Variants in RALGAPA1 observed in about 807,000 individuals in gnomAD.
RALGAPA1 encodes Ral GTPase activating protein catalytic subunit alpha 1.
RALGAPA1 carries 52 observed loss-of-function variants against 269.6 expected under a neutral mutation model. That is an observed-to-expected ratio of 0.19 (90% CI 0.15 to 0.24). RALGAPA1 has a LOEUF of 0.24. Ranked by LOEUF, RALGAPA1 falls within the 10% of genes least tolerant of loss-of-function variation. RALGAPA1 has a pLI of 1.00. For synonymous variants in RALGAPA1, 817 were observed against 1,008.3 expected (o/e 0.81, Z 3.60); for missense variants, 1,917 against 3,013.9 (o/e 0.64, Z 8.52).
chr14:35,763,891 C>G (rs1419862289), intron 4 of RALGAPA1, among the ~76,000 whole-genome samples: 1 of 151,876 alleles, frequency 6.6e-6, no homozygotes, highest in East Asian at 1.9e-4. Flanking sequence ...TACTACCAGC[C>G]GTATATGGGA....
At chr14:35,580,511 G>C (rs556228194) in intron 37 of RALGAPA1, among the ~76,000 whole-genome samples, 1 of 152,194 alleles carries the variant, frequency 6.6e-6, no homozygotes, top group African/African-American at 2.4e-5. Context: ...ATTTCTAAGA[G>C]AAACTTAGCT....
intron 39 of RALGAPA1, among the ~76,000 whole-genome samples, chr14:35,557,030 T>G (rs1288093025): frequency 1.3e-5 from 2 of 152,008 alleles, no homozygotes; most frequent in Non-Finnish European, 2.9e-5. Flanking sequence ...CTGAAAATCC[T>G]TCCTGATTTA....
chr14:35,735,173 A>G (rs1472790577), intron 12 of RALGAPA1, among the ~76,000 whole-genome samples: 2 of 152,220 alleles, frequency 1.3e-5, no homozygotes, highest in African/African-American at 4.8e-5. Context: ...AAGAACTAAA[A>G]GTAGAACTGT....
intron 35 of RALGAPA1, among the ~76,000 whole-genome samples, chr14:35,612,804 C>T (rs73247102): frequency 0.018 from 2,687 of 152,050 alleles, 81 homozygotes; most frequent in African/African-American, 0.061. Context: ...TCCTAAAGTG[C>T]GGGGATTACA....
At chr14:35,557,305 A>G (rs2055717961) in intron 39 of RALGAPA1, among the ~76,000 whole-genome samples, 3 of 151,916 alleles carry the variant, frequency 2.0e-5, no homozygotes, top group Admixed American at 2.0e-4. Context: ...AAAAAGAAAA[A>G]AAAAAAAAAC....
At chr14:35,696,603 G>A (rs1437160448) in intron 17 of RALGAPA1, among the ~76,000 whole-genome samples, 2 of 121,022 alleles carry the variant, frequency 1.7e-5, no homozygotes, top group East Asian at 3.0e-4. Flanking sequence ...ATTTTGGTAC[G>A]TTAAAAAAAA....
intron 33 of RALGAPA1, among the ~76,000 whole-genome samples, chr14:35,632,453 G>A (rs2061415418): frequency 6.6e-6 from 1 of 152,092 alleles, no homozygotes; most frequent in South Asian, 2.1e-4. Context: ...GATTATTATG[G>A]CGTACAAAAG....
chr14:35,706,507 T>C (rs1595232944), intron 16 of RALGAPA1: 1 of 152,206 alleles, frequency 6.6e-6, no homozygotes, highest in Non-Finnish European at 1.5e-5. Flanking sequence ...ACCCATACCA[T>C]ACTTTCTTGA....
At chr14:35,592,644 A>T (rs1247193830) in intron 37 of RALGAPA1, among the ~76,000 whole-genome samples, 1 of 152,158 alleles carries the variant, frequency 6.6e-6, no homozygotes, top group African/African-American at 2.4e-5. Context: ...TATCAAAAAG[A>T]TTATACACCC....
intron 15 of RALGAPA1, 77 bp downstream of exon 15, chr14:35,722,950 C>T (rs2069560042): frequency 1.4e-6 from 1 of 723,012 alleles, no homozygotes; most frequent in Admixed American, 2.4e-5. Context: ...CACCCTCACC[C>T]CTCTCCCTGG....
At position 35,775,925 on chromosome 14, in the gene RALGAPA1, G is replaced by T. The variant is rs115791556; in HGVS notation, c.107-180C>A. ...CGTTCTTAAAACTTTAGTCTTTGCC[G>T]ATTTTAGTTTTAATTTTAAAAACTG... On this transcript the variant is annotated intron_variant, in intron 1 of 41. Coordinates refer to ENST00000680220, the MANE Select transcript of RALGAPA1 (RefSeq NM_001346249.2). Among the ~76,000 whole-genome samples the T allele has an allele frequency of 1.1e-3, 173 of 152,082 alleles. 1 individual carries two copies. Among genetic ancestry groups the T allele is most frequent in the Admixed American group, 0.011 (169 of 15,268 alleles).
At chr14:35,758,423 G>A (rs1055008715) in intron 6 of RALGAPA1, among the ~76,000 whole-genome samples, 4 of 151,976 alleles carry the variant, frequency 2.6e-5, no homozygotes, top group South Asian at 2.1e-4. Context: ...CCATAAAGAC[G>A]TCTTAGTCTC....
Position 35,678,034 on chromosome 14 carries a change from A to G in RALGAPA1, c.4540T>C (p.Leu1514=), listed in dbSNP as rs61751909. ...TTCTGTTCCATGTGATCTATATTCA[A>G]TGTAGAAGGGGAAGGAGTCTGTGAC... is the stretch of plus-strand genomic sequence containing the variant. ...SRSQTPSPST[L]NIDHMEQKDL... Residue 1514 remains leucine (L), a synonymous_variant, in exon 22 of 42, where the codon TTG becomes CTG. Transcript: ENST00000680220. 6.4e-5 allele frequency: 104 copies of G among 1,613,034 alleles called. No individual in the cohort carries two copies. In the African/African-American group the frequency reaches 1.2e-3, roughly 19 times the overall value.
At chr14:35,651,987 T>C (rs2062858047) in intron 30 of RALGAPA1, 114 bp from the exon 31 acceptor site, 2 of 717,270 alleles carry the variant, frequency 2.8e-6, no homozygotes, top group Non-Finnish European at 2.2e-6. Context: ...TGCAAATTTA[T>C]TCTAAACACA....
At chr14:35,742,334 C>T (rs2071637198) in intron 11 of RALGAPA1, 34 bp downstream of exon 11, 3 of 1,433,062 alleles carry the variant, frequency 2.1e-6, no homozygotes, top group Non-Finnish European at 2.9e-6. Flanking sequence ...ATCTATTAGA[C>T]TAACACTAAA....
At chr14:35,735,267 T>A (rs1289168607) in intron 12 of RALGAPA1, among the ~76,000 whole-genome samples, 1 of 152,128 alleles carries the variant, frequency 6.6e-6, no homozygotes, top group Non-Finnish European at 1.5e-5. Flanking sequence ...GCACACACGT[T>A]TATAGCAGCA....
At chr14:35,715,286 C>A (rs758029509) in intron 16 of RALGAPA1, among the ~76,000 whole-genome samples, 6 of 152,136 alleles carry the variant, frequency 3.9e-5, no homozygotes, top group Non-Finnish European at 7.4e-5. Context: ...AATTTCTAAT[C>A]CAAGTCACTG....
chr14:35,611,347 C>T (rs1243212135), intron 35 of RALGAPA1, among the ~76,000 whole-genome samples: 2 of 151,878 alleles, frequency 1.3e-5, no homozygotes, highest in African/African-American at 2.4e-5. Flanking sequence ...ACTAAAAATA[C>T]AAAAATCAGC....
intron 21 of RALGAPA1, among the ~76,000 whole-genome samples, chr14:35,682,353 T>C (rs898051929): frequency 5.9e-5 from 9 of 151,530 alleles, no homozygotes; most frequent in Admixed American, 3.3e-4. Context: ...CAGGCTGGAG[T>C]GCAGTGGTGT....
Sources: allele counts gnomAD v4.1 joint callset (sites outside exome capture counted in the v4.1 genomes callset), GRCh38; gene constraint gnomAD v4.1.1; transcripts MANE v1.5; gene names NCBI Gene and HGNC (gene_info 2026-07-23, HGNC 2026-07-21).